Variants in CLEC2A observed in about 807,000 individuals in gnomAD.
CLEC2A encodes the protein C-type lectin domain family 2 member A, also known as keratinocyte-associated C-type lectin.
Under a neutral mutation model 18.6 loss-of-function variants are expected in CLEC2A, and 19 were observed. The observed-to-expected ratio is 1.02, with a 90% CI of 0.71 to 1.50. The LOEUF (loss-of-function observed/expected upper bound fraction) is 1.50. CLEC2A is among the 40% of genes most tolerant of loss of function. The pLI, the probability that CLEC2A is intolerant of heterozygous loss-of-function variation, is 0.00. For missense variants in CLEC2A, 190 were observed against 207.9 expected (o/e 0.91, Z 0.53); for synonymous variants, 74 against 64.0 (o/e 1.16, Z -0.75).
At chr12:9,897,048 C>T (rs193190749), downstream of CLEC2A, among the ~76,000 whole-genome samples, 281 of 151,852 alleles carry the variant, frequency 1.9e-3, 3 homozygotes, top group African/African-American at 6.4e-3. Flanking sequence ...TTAGTAGAGA[C>T]GAGGTTTCAC....
chr12:9,904,665 T>C (rs1862881826), intron 4 of CLEC2A, among the ~76,000 whole-genome samples: 1 of 152,162 alleles, frequency 6.6e-6, no homozygotes. Context: ...AAGATTCCTA[T>C]GGGGTCTCGT....
At chr12:9,907,488 G>T (rs112014144) in intron 4 of CLEC2A, among the ~76,000 whole-genome samples, 2 of 152,176 alleles carry the variant, frequency 1.3e-5, no homozygotes, top group East Asian at 3.9e-4. Flanking sequence ...CTACTTGTTC[G>T]GGTCCCATCC....
chr12:9,900,391 T>A (rs1399241421), intron 4 of CLEC2A, among the ~76,000 whole-genome samples: 1 of 152,198 alleles, frequency 6.6e-6, no homozygotes, highest in East Asian at 1.9e-4. Flanking sequence ...CTTTGAAATC[T>A]AGTTCTCTCT....
the CLEC2A span, chr12:9,881,357 C>T: frequency 2.4e-6 from 1 of 419,576 alleles, no homozygotes; most frequent in South Asian, 4.2e-5. Context: ...CACTAGCTAC[C>T]TTTACCTTGA....
chr12:9,914,981 G>A (rs1863046867), intron 4 of CLEC2A, among the ~76,000 whole-genome samples: 1 of 151,812 alleles, frequency 6.6e-6, no homozygotes, highest in Non-Finnish European at 1.5e-5. Flanking sequence ...CTAATATCCA[G>A]GATCTACAAG....
At chr12:9,921,273 T>A (rs759408220) in intron 3 of CLEC2A, among the ~76,000 whole-genome samples, 8 of 152,198 alleles carry the variant, frequency 5.3e-5, no homozygotes, top group Non-Finnish European at 8.8e-5. Flanking sequence ...CAGTCAAAAG[T>A]CTGTATATAA....
At chr12:9,893,031 T>G in the CLEC2A span, 8 of 1,535,578 alleles carry the variant, frequency 5.2e-6, no homozygotes, top group African/African-American at 9.6e-5. Flanking sequence ...ACACAATTAC[T>G]TGTGCCCAAA....
chr12:9,886,419 A>G, the CLEC2A span, among the ~76,000 whole-genome samples: 4 of 152,156 alleles, frequency 2.6e-5, no homozygotes, highest in Admixed American at 2.6e-4. Context: ...AAGAAAATGA[A>G]AAGTGGATAG....
At chr12:9,893,369 T>C in the CLEC2A span, 3 of 885,940 alleles carry the variant, frequency 3.4e-6, no homozygotes, top group Non-Finnish European at 5.2e-6. Context: ...ACTTACACTA[T>C]AGAAGGCATC....
At chr12:9,885,030 G>A in the CLEC2A span, 1 of 1,197,914 alleles carries the variant, frequency 8.3e-7, no homozygotes, top group Non-Finnish European at 1.1e-6. Context: ...CTGAAGTTCT[G>A]GCGTGAGTAG....
At chr12:9,893,131 A>G in the CLEC2A span, 2 of 1,535,268 alleles carry the variant, frequency 1.3e-6, no homozygotes, top group Non-Finnish European at 1.7e-6. Context: ...ACACAGCTAC[A>G]GGCACATTTA....
At chr12:9,892,602 G>A in the CLEC2A span, among the ~76,000 whole-genome samples, 1 of 25,178 alleles carries the variant, frequency 4.0e-5, no homozygotes, top group Non-Finnish European at 9.2e-5. Flanking sequence ...TTTTTTTTTT[G>A]AGACAGAGTT....
chr12:9,930,899 A>G (rs1863365580), intron 1 of CLEC2A, among the ~76,000 whole-genome samples: 1 of 151,902 alleles, frequency 6.6e-6, no homozygotes, highest in African/African-American at 2.4e-5. Flanking sequence ...ATCAGCGTCC[A>G]TTCTATTAAT....
At chr12:9,917,555 A>G (rs900799609) in intron 3 of CLEC2A, among the ~76,000 whole-genome samples, 6 of 152,246 alleles carry the variant, frequency 3.9e-5, no homozygotes, top group African/African-American at 1.4e-4. Context: ...ATAAAAGTAG[A>G]CAGACTCATT....
downstream of CLEC2A, among the ~76,000 whole-genome samples, chr12:9,909,691 T>C (rs1862955014): frequency 6.6e-6 from 1 of 152,206 alleles, no homozygotes; most frequent in Non-Finnish European, 1.5e-5. Flanking sequence ...GTTTTGAATA[T>C]CCTTTTTACA....
chr12:9,883,876 C>T, the CLEC2A span, among the ~76,000 whole-genome samples: 6 of 152,054 alleles, frequency 3.9e-5, no homozygotes, highest in Non-Finnish European at 7.4e-5. Context: ...AGAAACAGCA[C>T]TTTTATTATG....
chr12:9,888,238 C>T, the CLEC2A span, among the ~76,000 whole-genome samples: 1 of 151,890 alleles, frequency 6.6e-6, no homozygotes, highest in Non-Finnish European at 1.5e-5. Flanking sequence ...CACCTGTAAT[C>T]TCAGCACTTT....
chr12:9,904,190 A>C (rs1397727973), intron 4 of CLEC2A, among the ~76,000 whole-genome samples: 2 of 152,194 alleles, frequency 1.3e-5, no homozygotes, highest in African/African-American at 4.8e-5. Context: ...AGGAGATGGA[A>C]GCTGGATGGA....
At chr12:9,892,284 A>G in the CLEC2A span, among the ~76,000 whole-genome samples, 2 of 152,262 alleles carry the variant, frequency 1.3e-5, no homozygotes, top group Non-Finnish European at 2.9e-5. Context: ...CGAAAAGCAC[A>G]GGAGAATAAG....
Sources: gnomAD v4.1 joint callset for allele counts (sites outside exome capture counted in the v4.1 genomes callset) on GRCh38, gnomAD v4.1.1 for gene constraint, MANE v1.5 for transcripts, NCBI Gene and HGNC (gene_info 2026-07-23, HGNC 2026-07-21) for gene names.